Variants in RAB35 observed in about 807,000 individuals in gnomAD.
RAB35 encodes the protein ras-related protein Rab-35.
Under a neutral mutation model 28.9 loss-of-function variants are expected in RAB35, and 4 were observed. The observed-to-expected ratio is 0.14, with a 90% CI of 0.07 to 0.32. The LOEUF (loss-of-function observed/expected upper bound fraction) is 0.32. Ranked by LOEUF, RAB35 falls within the 10% of genes least tolerant of loss-of-function variation. The pLI is 1.00. For synonymous variants in RAB35, 99 were observed against 105.1 expected, an observed-to-expected ratio of 0.94 and a Z score of 0.35; for missense variants, 128 against 274.0, an observed-to-expected ratio of 0.47 and a Z score of 3.76.
chr12:120,099,332 A>C, intron 3 of RAB35, 178 bp from the exon 4 acceptor site: 4 of 804,188 alleles, frequency 5.0e-6, no homozygotes, highest in Non-Finnish European at 7.7e-6. Context: ...AGGAGAGGCT[A>C]CTGCGGCAGC....
rs548247901 is a variant in RAB35, at chr12:120,103,501, G to A, written c.227+325C>T. On this transcript the variant is annotated intron_variant, in intron 3 of 5. Transcript: ENST00000229340. This position sits in a 1 kb window ranked among gnomAD's most constrained non-coding sequence, Gnocchi z 6.1. ...GCAAGGCACTTCGCAACCCCCTAGC[G>A]AGGCAAATGCTATTCTGCTCTCTCT... is the stretch of plus-strand genomic sequence containing the variant. Among the ~76,000 whole-genome samples the A allele has an allele frequency of 1.3e-5, 2 of 152,342 alleles. No individual in the cohort carries two copies. Among genetic ancestry groups the A allele is most frequent in the African/African-American group, 2.4e-5 (1 of 41,578 alleles).
intron 2 of RAB35, among the ~76,000 whole-genome samples, chr12:120,106,824 T>G (rs1875900214): frequency 6.6e-6 from 1 of 152,064 alleles, no homozygotes; most frequent in South Asian, 2.1e-4. Flanking sequence ...CCTGACCTCA[T>G]GATCCACGCG....
intron 3 of RAB35, among the ~76,000 whole-genome samples, chr12:120,102,625 G>C (rs1333131709): frequency 6.6e-6 from 1 of 152,180 alleles, no homozygotes. Flanking sequence ...CAGCACACCT[G>C]TCCCTCTCCA....
intron 2 of RAB35, among the ~76,000 whole-genome samples, chr12:120,107,453 A>G (rs1875932203): frequency 6.6e-6 from 1 of 152,226 alleles, no homozygotes; most frequent in African/African-American, 2.4e-5. Flanking sequence ...TCCACCCTTC[A>G]GTGGGACTGG....
intron 1 of RAB35, among the ~76,000 whole-genome samples, chr12:120,112,044 G>A (rs114247898): frequency 0.023 from 3,478 of 150,988 alleles, 144 homozygotes; most frequent in African/African-American, 0.081. Context: ...ACGGTGGCGC[G>A]ATCTTGGCTG....
intron 1 of RAB35, among the ~76,000 whole-genome samples, chr12:120,113,817 CA>C (rs60143564): frequency 0.059 from 6,655 of 112,692 alleles, 477 homozygotes; most frequent in African/African-American, 0.17. Context: ...GACTCCGTCT[CA>C]AAAAAAAAAA....
rs950052857 is a variant in RAB35 at position 120,095,446 on chromosome 12, G to A, written c.*1799C>T. The A allele has an allele frequency of 3.2e-4, 48 of 151,456 alleles. 2 individuals are homozygous for A. Among genetic ancestry groups the A allele is most frequent in the South Asian group, 2.1e-4 (1 of 4,788 alleles). The allele number at this position is 151,456 out of a possible 1,614,324, so 9.4% of individuals were successfully genotyped here. The stretch of plus-strand genomic sequence containing the variant: ...TTGCAAGCACACCCTCGCTGGCCTC[G>A]CCTGATCGCTCAGAGGCCAGCATGC... On this transcript the variant is annotated 3_prime_UTR_variant, in exon 6 of 6. Transcript: ENST00000229340.
intron 2 of RAB35, among the ~76,000 whole-genome samples, chr12:120,108,000 C>G (rs1025498033): frequency 6.6e-6 from 1 of 151,758 alleles, no homozygotes; most frequent in Non-Finnish European, 1.5e-5. Flanking sequence ...CCTTCAAGCA[C>G]AGAAAGCCCA....
At chr12:120,106,653 A>C (rs1331679732) in intron 2 of RAB35, among the ~76,000 whole-genome samples, 1 of 149,294 alleles carries the variant, frequency 6.7e-6, no homozygotes, top group Non-Finnish European at 1.5e-5. Context: ...GTGCTGTGAC[A>C]AGATCTCGGC....
At chr12:120,105,271 C>T (rs1875823480) in intron 2 of RAB35, among the ~76,000 whole-genome samples, 1 of 152,170 alleles carries the variant, frequency 6.6e-6, no homozygotes, top group Non-Finnish European at 1.5e-5. Context: ...AACCAGAACA[C>T]ATTCAGAAAA....
Position 120,100,376 on chromosome 12 carries a change from T to A in RAB35, c.228-1222A>T, listed in dbSNP as rs531559382. On this transcript the variant is annotated intron_variant, in intron 3 of 5. Coordinates refer to ENST00000229340, the MANE Select transcript of RAB35 (RefSeq NM_006861.7). ...CCACACCTTGCAGCTTCAACAGTTA[T>A]AGCACACAGGTGGCTAGTCCTTAAC... 2.0e-5 allele frequency among the ~76,000 whole-genome samples: 3 copies of A among 152,340 alleles called. No individual in the cohort carries two copies. In the South Asian group the frequency reaches 6.2e-4, roughly 32 times the overall value.
chr12:120,105,516 A>G (rs1875833253), intron 2 of RAB35, among the ~76,000 whole-genome samples: 1 of 152,204 alleles, frequency 6.6e-6, no homozygotes, highest in South Asian at 2.1e-4. Context: ...CAATGTCTGG[A>G]GGCATTTTTG....
intron 2 of RAB35, among the ~76,000 whole-genome samples, chr12:120,105,558 G>A (rs1056410613): frequency 6.6e-6 from 1 of 152,154 alleles, no homozygotes. Flanking sequence ...AAGTGTTGCT[G>A]GCATTTAGTG....
chr12:120,116,517 T>A, intron 1 of RAB35, 82 bp downstream of exon 1: 7 of 778,406 alleles, frequency 9.0e-6, no homozygotes, highest in South Asian at 5.8e-5. Context: ...GGCCGGCACC[T>A]CCCCGCCCGC....
At chr12:120,110,622 G>GA (rs1436426503) in intron 1 of RAB35, among the ~76,000 whole-genome samples, 1 of 152,108 alleles carries the variant, frequency 6.6e-6, no homozygotes, top group Admixed American at 6.6e-5. Context: ...AACCAAAGCG[G>GA]AAAACCACTG....
At position 120,097,183 on chromosome 12, in the gene RAB35, C is replaced by A; in HGVS notation, c.*62G>T. Reference sequence around the variant, plus strand: ...AAACTGAGACTGTCCCCCGAGGAACCTCCGTGGGCCTCGGGCTGGGGGAGG... The same window carrying A: ...AAACTGAGACTGTCCCCCGAGGAACATCCGTGGGCCTCGGGCTGGGGGAGG... On this transcript the variant is annotated 3_prime_UTR_variant, in exon 6 of 6. Coordinates refer to ENST00000229340, the MANE Select transcript of RAB35 (RefSeq NM_006861.7). The A allele has an allele frequency of 6.2e-7, 1 of 1,613,730 alleles. No homozygotes were observed.
chr12:120,108,430 G>A lies in RAB35; in HGVS notation c.90C>T (p.Asp30=), dbSNP rs1207252387. 2 of 1,613,762 alleles carry A rather than the reference G, an allele frequency of 1.2e-6. No individual in the cohort carries two copies. Among genetic ancestry groups the A allele is most frequent in the Non-Finnish European group, 8.5e-7 (1 of 1,179,776 alleles). ...GKSSLLLRFA[D]NTFSGSYITT... ...GGGAGGACTCACCTGAGAAAGTGTT[G>A]TCTGCAAAACGCAACAGTAAACTGC... Residue 30 remains aspartate, a synonymous_variant, in exon 2 of 6, where the codon GAC becomes GAT. Coordinates refer to ENST00000229340, the MANE Select transcript of RAB35 (RefSeq NM_006861.7).
At position 120,101,840 on chromosome 12, in the gene RAB35, G is replaced by A. The variant is rs536174857; in HGVS notation, c.227+1986C>T. ...CCAGGAAGCTGAGTGACTCCTCCCC[G>A]CCTCCCCACGGAATGGAGGAACCAG... is the stretch of plus-strand genomic sequence containing the variant. On this transcript the variant is annotated intron_variant, in intron 3 of 5. Coordinates refer to ENST00000229340, the MANE Select transcript of RAB35 (RefSeq NM_006861.7). 1.1e-3 allele frequency among the ~76,000 whole-genome samples: 165 copies of A among 152,296 alleles called. 1 individual carries two copies. The highest frequency in any genetic ancestry group is 1.3e-3 in the Non-Finnish European group (89 of 68,022).
chr12:120,102,914 C>A (rs983908930), intron 3 of RAB35, among the ~76,000 whole-genome samples: 4 of 152,164 alleles, frequency 2.6e-5, no homozygotes, highest in Admixed American at 6.5e-5. Flanking sequence ...GGAGCACAGG[C>A]TTGGCCGCTG....
Sources: gnomAD v4.1 joint callset for allele counts (sites outside exome capture counted in the v4.1 genomes callset) on GRCh38, gnomAD v4.1.1 for gene constraint, Gnocchi (gnomAD v3.1) non-coding constraint, MANE v1.5 for transcripts, NCBI Gene and HGNC (gene_info 2026-07-23, HGNC 2026-07-21) for gene names.